Variants in SAE1 observed in about 807,000 individuals in gnomAD.
SAE1 encodes the protein SUMO-activating enzyme subunit 1.
In SAE1, 11 loss-of-function variants were observed where a neutral mutation model predicts 40.6. The observed-to-expected ratio is 0.27, with a 90% CI of 0.17 to 0.45. The LOEUF (loss-of-function observed/expected upper bound fraction) is 0.45, where lower values mean the gene tolerates loss of function less well. Among genes scored for constraint, SAE1 ranks in the 20% least tolerant of loss-of-function variants. SAE1 has a pLI of 1.00. For missense variants in SAE1, 373 were observed against 427.3 expected, an observed-to-expected ratio of 0.87 and a Z score of 1.12; for synonymous variants, 155 against 154.3, an observed-to-expected ratio of 1.00 and a Z score of -0.03.
chr19:47,167,300 T>C (rs2058399814), intron 5 of SAE1, among the ~76,000 whole-genome samples: 1 of 147,120 alleles, frequency 6.8e-6, no homozygotes, highest in African/African-American at 2.5e-5. Flanking sequence ...AGAGTCTCGC[T>C]CTGTCCCCCA....
chr19:47,157,401 T>C (rs978901447), intron 5 of SAE1, among the ~76,000 whole-genome samples: 2 of 152,268 alleles, frequency 1.3e-5, no homozygotes, highest in African/African-American at 4.8e-5. Context: ...GTGCTGTCAG[T>C]TTATAAATCA....
chr19:47,143,485 G>T lies in SAE1; in HGVS notation c.99-9G>T, dbSNP rs1171834013. On this transcript the variant is annotated splice_polypyrimidine_tract_variant and intron_variant, in intron 1 of 8. Transcript: ENST00000270225. ...CTGTATCATCAGGTTAACAATGTTT[G>T]TCTTACAGGCTGCGGGCCTCTCGGG... The T allele has an allele frequency of 1.2e-6, 2 of 1,606,486 alleles. No individual in the cohort carries two copies.
intron 1 of SAE1, among the ~76,000 whole-genome samples, chr19:47,132,889 C>CCA (rs377401612): frequency 6.4e-5 from 7 of 109,460 alleles, no homozygotes; most frequent in Admixed American, 5.8e-4. Flanking sequence ...GGCCCCGTCT[C>CCA]AAAAAAAAAA....
chr19:47,144,343 T>G (rs1045226091), intron 2 of SAE1, among the ~76,000 whole-genome samples: 1 of 144,416 alleles, frequency 6.9e-6, no homozygotes, highest in Non-Finnish European at 1.5e-5. Context: ...TAAAAAGAAA[T>G]AAATTAATGA....
At chr19:47,178,939 A>G (rs1442532848) in intron 6 of SAE1, among the ~76,000 whole-genome samples, 1 of 152,088 alleles carries the variant, frequency 6.6e-6, no homozygotes, top group Admixed American at 6.6e-5. Context: ...TATGCCTGTA[A>G]TCCCAGCACT....
intron 6 of SAE1, among the ~76,000 whole-genome samples, chr19:47,181,247 C>T (rs2058504098): frequency 6.6e-6 from 1 of 151,662 alleles, no homozygotes; most frequent in African/African-American, 2.4e-5. Context: ...ACCCAGGAGG[C>T]GGAGGTTGTG....
intron 1 of SAE1, among the ~76,000 whole-genome samples, chr19:47,131,607 T>C (rs1157333145): frequency 6.6e-6 from 1 of 151,318 alleles, no homozygotes; most frequent in Non-Finnish European, 1.5e-5. Context: ...GGCCGTAGGC[T>C]CCCGAAAAGG....
At chr19:47,208,771 G>A (rs2058698470) in intron 8 of SAE1, among the ~76,000 whole-genome samples, 1 of 151,558 alleles carries the variant, frequency 6.6e-6, no homozygotes, top group Non-Finnish European at 1.5e-5. Flanking sequence ...TGCACAGACT[G>A]GTCTTGAATT....
intron 5 of SAE1, among the ~76,000 whole-genome samples, chr19:47,158,236 G>A (rs307896): frequency 0.19 from 28,982 of 152,034 alleles, 3,652 homozygotes; most frequent in Non-Finnish European, 0.29. Context: ...AATTAGTAAC[G>A]TTGAAAAACA....
intron 5 of SAE1, among the ~76,000 whole-genome samples, chr19:47,159,033 G>C (rs2058341283): frequency 6.6e-6 from 1 of 152,104 alleles, no homozygotes; most frequent in Non-Finnish European, 1.5e-5. Context: ...ATCTGTGTTA[G>C]GTGCTGCCAG....
chr19:47,143,250 C>T (rs572801421), intron 1 of SAE1, among the ~76,000 whole-genome samples: 82 of 152,198 alleles, frequency 5.4e-4, no homozygotes, highest in Middle Eastern at 3.4e-3. Context: ...AGATTACAGG[C>T]GCCTGCCACT....
At chr19:47,166,151 A>G (rs976619312) in intron 5 of SAE1, among the ~76,000 whole-genome samples, 9 of 152,148 alleles carry the variant, frequency 5.9e-5, no homozygotes, top group African/African-American at 2.2e-4. Context: ...GCCTTGTCAC[A>G]ATGTCTGAAT....
intron 6 of SAE1, among the ~76,000 whole-genome samples, chr19:47,172,679 G>A (rs1378977585): frequency 6.6e-6 from 1 of 151,260 alleles, no homozygotes; most frequent in African/African-American, 2.4e-5. Flanking sequence ...CAGCCTGGGT[G>A]ACAGAGCTGA....
At chr19:47,181,482 T>A (rs1600194019) in intron 6 of SAE1, among the ~76,000 whole-genome samples, 2 of 137,048 alleles carry the variant, frequency 1.5e-5, no homozygotes, top group Non-Finnish European at 3.2e-5. Context: ...TTTCCTTTTT[T>A]TTTTTTTTTT....
At chr19:47,183,776 C>T (rs929835672) in intron 6 of SAE1, among the ~76,000 whole-genome samples, 2 of 152,176 alleles carry the variant, frequency 1.3e-5, no homozygotes, top group African/African-American at 4.8e-5. Flanking sequence ...TGCCATCTTC[C>T]CTCGGCAAGA....
intron 6 of SAE1, among the ~76,000 whole-genome samples, chr19:47,170,956 G>C (rs1036034353): frequency 3.9e-5 from 6 of 152,036 alleles, no homozygotes; most frequent in African/African-American, 1.4e-4. Context: ...TGGCTTTTCA[G>C]TGTTCTTCCT....
intron 3 of SAE1, among the ~76,000 whole-genome samples, chr19:47,151,563 C>A (rs913141655): frequency 6.6e-6 from 1 of 152,034 alleles, no homozygotes; most frequent in African/African-American, 2.4e-5. Flanking sequence ...CCTCCGCCTC[C>A]CTGGTTTAAG....
chr19:47,173,225 T>G (rs989167241), intron 6 of SAE1, among the ~76,000 whole-genome samples: 1 of 152,062 alleles, frequency 6.6e-6, no homozygotes, highest in East Asian at 1.9e-4. Context: ...TCTCGAACTC[T>G]TGACCTCGTG....
In SAE1 at chr19:47,203,654, G is replaced by A; in HGVS notation, c.879-17G>A. ...CTGTTCCCAGTGCTCCATTTTCCTT[G>A]TCTTCCTCTCTTTTAGGTACTGCTT... On this transcript the variant is annotated splice_polypyrimidine_tract_variant and intron_variant, in intron 7 of 8. Transcript: ENST00000270225. 1 of 1,612,732 alleles carries A rather than the reference G, an allele frequency of 6.2e-7. No homozygotes were observed. The highest frequency in any genetic ancestry group is 1.1e-5 in the South Asian group (1 of 91,046).
Sources: gnomAD v4.1 joint callset for allele counts (sites outside exome capture counted in the v4.1 genomes callset) on GRCh38, gnomAD v4.1.1 for gene constraint, MANE v1.5 for transcripts, NCBI Gene and HGNC (gene_info 2026-07-23, HGNC 2026-07-21) for gene names.